IRAG1: variants seen among roughly 807,000 people sequenced by gnomAD.
IRAG1 encodes the protein inositol 1,4,5-triphosphate receptor associated 1, also known as IP3R-associated cGMP kinase substrate.
Under a neutral mutation model 106.2 loss-of-function variants are expected in IRAG1, and 62 were observed. The ratio of observed to expected loss-of-function variants is 0.58; its 90% CI spans 0.48 to 0.72. IRAG1 has a LOEUF of 0.72. Ranked by LOEUF, IRAG1 falls within the 30% of genes least tolerant of loss-of-function variation. The pLI is 0.00. For missense variants in IRAG1, 1,064 were observed against 1,140.7 expected (o/e 0.93, Z 0.97); for synonymous variants, 462 against 443.9 (o/e 1.04, Z -0.51).
At chr11:10,656,279 A>T (rs1858918030) in intron 1 of IRAG1, among the ~76,000 whole-genome samples, 1 of 152,230 alleles carries the variant, frequency 6.6e-6, no homozygotes, top group African/African-American at 2.4e-5. Flanking sequence ...AGGGTTAGGT[A>T]GGCCAGTGCC....
chr11:10,577,575 A>G (rs913282507), intron 20 of IRAG1, among the ~76,000 whole-genome samples: 14 of 152,308 alleles, frequency 9.2e-5, no homozygotes, highest in African/African-American at 3.4e-4. Context: ...TTCCTGAACC[A>G]AGGAGGTGGG....
At position 10,576,192 on chromosome 11, in the gene IRAG1, GC is replaced by G. The variant is rs1850802121; in HGVS notation, c.*139del. 2 of 1,068,708 alleles carry G rather than the reference GC, an allele frequency of 1.9e-6. No homozygotes were observed. The highest frequency in any genetic ancestry group is 2.7e-6 in the Non-Finnish European group (2 of 750,042). 66.2% of individuals were successfully genotyped at this position (1,068,708 alleles called of 1,614,324 possible). ...GTGTATGAATAGCTCCCACAGAAGT[GC>G]CGAGTGTTAAAAGAACCCTTCCTCA... On this transcript the variant is annotated 3_prime_UTR_variant, in exon 21 of 21. Transcript: ENST00000423302.
At position 10,627,738 on chromosome 11, in the gene IRAG1, G is replaced by C. The variant is rs1159399985; in HGVS notation, c.728C>G (p.Ser243Cys). Reference protein sequence around the residue: ...PPQKGDEADVSSPHPGEPNVP... With the variant: ...PPQKGDEADVCSPHPGEPNVP... The stretch of plus-strand genomic sequence containing the variant: ...CACAGGCTCGCCAGGGTGAGGTGAA[G>C]AGACGTCGGCCTCATCCCCCTTCTG... Residue 243 changes from serine (S) to cysteine (C), a missense_variant, in exon 8 of 21, where the codon TCT (serine) becomes TGT (cysteine). Ser to Cys is a moderately radical substitution (Grantham distance 112, BLOSUM62 -1). Coordinates refer to ENST00000423302, the MANE Select transcript of IRAG1 (RefSeq NM_130385.4). The C allele has an allele frequency of 1.9e-6, 3 of 1,613,892 alleles. No homozygotes were observed. Among genetic ancestry groups the C allele is most frequent in the Non-Finnish European group, 2.5e-6 (3 of 1,179,910 alleles).
intron 20 of IRAG1, among the ~76,000 whole-genome samples, chr11:10,578,925 C>T (rs1016850075): frequency 3.3e-5 from 5 of 152,186 alleles, no homozygotes; most frequent in Non-Finnish European, 7.3e-5. Flanking sequence ...GCTGTATTCA[C>T]GGGTGCCAGA....
chr11:10,595,163 T>C (rs1356172765), intron 15 of IRAG1, among the ~76,000 whole-genome samples: 1 of 151,980 alleles, frequency 6.6e-6, no homozygotes, highest in Non-Finnish European at 1.5e-5. Context: ...GAGCTTAAAG[T>C]ATCTACCCGC....
chr11:10,608,576 G>T (rs775577858), intron 11 of IRAG1, among the ~76,000 whole-genome samples: 8 of 152,154 alleles, frequency 5.3e-5, no homozygotes, highest in Non-Finnish European at 1.2e-4. Context: ...ATAGGTACCC[G>T]GGGGCAGAGC....
chr11:10,632,100 C>A, intron 3 of IRAG1, 39 bp from the exon 4 acceptor site: 1 of 1,476,728 alleles, frequency 6.8e-7, no homozygotes, highest in South Asian at 1.1e-5. Flanking sequence ...GAAAATCAAT[C>A]CACAACTTGA....
At chr11:10,631,689 C>G (rs551226302) in intron 4 of IRAG1, among the ~76,000 whole-genome samples, 1 of 152,336 alleles carries the variant, frequency 6.6e-6, no homozygotes, top group East Asian at 1.9e-4. Context: ...ATGTGGGCCT[C>G]TTTAGCAGAG....
chr11:10,584,684 T>C (rs112521718), intron 18 of IRAG1, among the ~76,000 whole-genome samples: 12 of 151,036 alleles, frequency 7.9e-5, no homozygotes, highest in African/African-American at 2.7e-4. Flanking sequence ...CAGTGTAGTA[T>C]AAAGGAAAAG....
At chr11:10,585,841 G>C (rs886574491) in intron 18 of IRAG1, among the ~76,000 whole-genome samples, 2 of 152,134 alleles carry the variant, frequency 1.3e-5, no homozygotes, top group African/African-American at 4.8e-5. Flanking sequence ...TTGGTGCTGG[G>C]ACTCTCACCT....
chr11:10,593,546 C>T lies in IRAG1; in HGVS notation c.2121G>A (p.Leu707=), dbSNP rs1401534717. Residue 707 remains leucine (L), a synonymous_variant, in exon 17 of 21, where the codon CTG becomes CTA. Coordinates refer to ENST00000423302, the MANE Select transcript of IRAG1 (RefSeq NM_130385.4). ...AGCTGGGAGTTTGGCCAGGCAGATTCAGGGCATTAAACTTAGGAACCACAG... is the reference window on the plus strand; with the variant it reads ...AGCTGGGAGTTTGGCCAGGCAGATTTAGGGCATTAAACTTAGGAACCACAG... ...SVAVVPKFNA[L]NLPGQTPSSS... 4 of 1,613,786 alleles carry T rather than the reference C, an allele frequency of 2.5e-6. No homozygotes were observed. In the Admixed American group the frequency reaches 6.7e-5, roughly 27 times the overall value.
intron 10 of IRAG1, chr11:10,616,974 G>A (rs541292949): frequency 2.1e-6 from 2 of 961,652 alleles, no homozygotes; most frequent in African/African-American, 3.5e-5. Flanking sequence ...AGCTCTGAAA[G>A]ATGCTCTGAG....
Position 10,647,116 on chromosome 11 carries a change from G to T in IRAG1, c.225+4909C>A, listed in dbSNP as rs1224570872. Among the ~76,000 whole-genome samples, 1 of 152,178 alleles carries T rather than the reference G, an allele frequency of 6.6e-6. No homozygotes were observed. The highest frequency in any genetic ancestry group is 1.5e-5 in the Non-Finnish European group (1 of 68,034). On this transcript the variant is annotated intron_variant, in intron 2 of 20. Coordinates refer to ENST00000423302, the MANE Select transcript of IRAG1 (RefSeq NM_130385.4). This position sits in a 1 kb window ranked among gnomAD's most constrained non-coding sequence, Gnocchi z 4.3. ...TCTGAAGTTGGCCCTTCTGAGGTGAGTGGCTTTGGGAACACAGGACAACGT... is the reference window on the plus strand; with the variant it reads ...TCTGAAGTTGGCCCTTCTGAGGTGATTGGCTTTGGGAACACAGGACAACGT...
intron 2 of IRAG1, among the ~76,000 whole-genome samples, chr11:10,642,995 C>T (rs1564924489): frequency 1.3e-5 from 2 of 152,084 alleles, no homozygotes; most frequent in Admixed American, 6.5e-5. Flanking sequence ...CACAGTGAAA[C>T]CCCGTCTCTA....
At position 10,626,582 on chromosome 11, in the gene IRAG1, T is replaced by C. The variant is rs200550099; in HGVS notation, c.752A>G (p.Asn251Ser). Residue 251 changes from asparagine to serine, a missense_variant and splice_region_variant, in exon 9 of 21, where the codon AAC (asparagine) becomes AGC (serine). Asn to Ser is a conservative substitution (Grantham distance 46). Transcript: ENST00000423302. ...CCTGTCAGCTAGCCCTTTGGGGACG[T>C]TCTGAAAAAGACAAGGTAGAGCTGG... is the stretch of plus-strand genomic sequence containing the variant. ...DVSSPHPGEP[N>S]VPKGLADRKQ... 1,281 of 1,596,592 alleles carry C rather than the reference T, an allele frequency of 8.0e-4. 1 individual carries two copies. The highest frequency in any genetic ancestry group is 1.0e-3 in the Non-Finnish European group (1,202 of 1,170,068).
At chr11:10,673,150 C>T (rs1245803930) in intron 1 of IRAG1, among the ~76,000 whole-genome samples, 1 of 151,936 alleles carries the variant, frequency 6.6e-6, no homozygotes, top group Non-Finnish European at 1.5e-5. Context: ...GGGCTTGGTG[C>T]CGTGCGCCTG....
At chr11:10,613,212 C>T (rs2134425900) in intron 10 of IRAG1, among the ~76,000 whole-genome samples, 2 of 149,318 alleles carry the variant, frequency 1.3e-5, no homozygotes, top group African/African-American at 4.9e-5. Context: ...TTGAACCCTT[C>T]AGGTTGACAG....
rs1169998292 is a variant in IRAG1, at chr11:10,603,149, G to A, written c.1846C>T (p.Arg616Ter). ...LHRLAARLSS[R>*]AEVVGAVRQE... ...CGGACGGCGCCTACCACCTCAGCTC[G>A]GCTGGAGAGGCGGGCAGCCAGGCGG... Residue 616 changes from arginine (R) to a stop codon, truncating the protein, a stop_gained, in exon 14 of 21, where the codon CGA becomes TGA. Coordinates refer to ENST00000423302, the MANE Select transcript of IRAG1 (RefSeq NM_130385.4). LOFTEE classifies it high-confidence loss of function. 4.3e-6 allele frequency: 7 copies of A among 1,611,148 alleles called. No homozygotes were observed. Among genetic ancestry groups the A allele is most frequent in the East Asian group, 2.2e-5 (1 of 44,764 alleles).
intron 1 of IRAG1, among the ~76,000 whole-genome samples, chr11:10,688,619 G>A (rs1262470038): frequency 6.6e-6 from 1 of 151,970 alleles, no homozygotes; most frequent in African/African-American, 2.4e-5. Context: ...GAGCCCATTG[G>A]TTCCTAAATT....
Sources: gnomAD v4.1 joint callset for allele counts (sites outside exome capture counted in the v4.1 genomes callset) on GRCh38, gnomAD v4.1.1 for gene constraint, Gnocchi (gnomAD v3.1) non-coding constraint, MANE v1.5 for transcripts, NCBI Gene and HGNC (gene_info 2026-07-23, HGNC 2026-07-21) for gene names.